The following DET1 variants were observed in gnomAD, a reference collection of about 807,000 sequenced individuals.
DET1 encodes the protein DET1 homolog.
In DET1, 22 loss-of-function variants were observed where a neutral mutation model predicts 43.7. The ratio of observed to expected loss-of-function variants is 0.50; its 90% CI spans 0.36 to 0.72. DET1 has a LOEUF of 0.72. Among genes scored for constraint, DET1 ranks in the 30% least tolerant of loss-of-function variants. DET1 has a pLI of 0.00. For missense variants in DET1, 713 were observed against 713.3 expected (o/e 1.00, Z 0.00); for synonymous variants, 315 against 266.2 (o/e 1.18, Z -1.79).
chr15:88,523,437 C>G (rs915967987), intron 3 of DET1, among the ~76,000 whole-genome samples: 1 of 152,040 alleles, frequency 6.6e-6, no homozygotes, highest in Non-Finnish European at 1.5e-5. Context: ...CTCCCCTTTC[C>G]ACGGTCTCCC....
chr15:88,541,716 T>C (rs1001597621), intron 1 of DET1, among the ~76,000 whole-genome samples: 1 of 152,222 alleles, frequency 6.6e-6, no homozygotes, highest in Non-Finnish European at 1.5e-5. Flanking sequence ...CAATCAATGG[T>C]TAAGTTTGAT....
chr15:88,527,488 A>T, intron 3 of DET1, 111 bp downstream of exon 3: 1 of 998,576 alleles, frequency 1.0e-6, no homozygotes, highest in Non-Finnish European at 1.4e-6. Context: ...TAAGCAGAAT[A>T]ACCAAAGCTA....
intron 1 of DET1, among the ~76,000 whole-genome samples, chr15:88,536,137 GA>G (rs1457951714): frequency 3.3e-5 from 5 of 152,132 alleles, no homozygotes; most frequent in African/African-American, 9.7e-5. Context: ...GAAAGAAGTG[GA>G]ACAACATTAT....
At position 88,531,570 on chromosome 15, in the gene DET1, C is replaced by T; in HGVS notation, c.136G>A (p.Val46Ile). Residue 46 changes from valine (V) to isoleucine (I), a missense_variant, in exon 2 of 5, where the codon GTC becomes ATC. Coordinates refer to ENST00000268148, the MANE Select transcript of DET1 (RefSeq NM_001144074.3). The surrounding 1 kb of genome is among the most constrained non-coding windows in gnomAD (Gnocchi z 6.2). ...TTGACAACTGTGAAGTTGGGGAAGA[C>T]ATTCTGATGGAACACTCGGACTTGG... ...WHQVRVFHQN[V>I]FPNFTVVNVE... The T allele has an allele frequency of 6.2e-7, 1 of 1,614,010 alleles. No homozygotes were observed. The highest frequency in any genetic ancestry group is 8.5e-7 in the Non-Finnish European group (1 of 1,179,888).
chr15:88,512,402 C>T (rs192063571), downstream of DET1: 23 of 985,574 alleles, frequency 2.3e-5, no homozygotes, highest in Non-Finnish European at 2.8e-5. Context: ...TCATCTCTTT[C>T]ACAGTCCTTC....
rs2056103788 is a variant in DET1, at chr15:88,503,019, T to C, written c.*2178+856A>G. 3 of 152,280 alleles carry C rather than the reference T, an allele frequency of 2.0e-5. No homozygotes were observed. In the South Asian group the frequency reaches 6.2e-4, roughly 31 times the overall value. The allele number at this position is 152,280 out of a possible 1,614,324, so 9.4% of individuals were successfully genotyped here. On this transcript the variant is annotated intron_variant and NMD_transcript_variant, in intron 8 of 8. Coordinates refer to the DET1 transcript ENST00000557842. ...AGGGTCACACCTGTAATCCCAGCACTTTGGGAGGCCAAGGCAGGTGGATCA... is the reference window on the plus strand; with the variant it reads ...AGGGTCACACCTGTAATCCCAGCACCTTGGGAGGCCAAGGCAGGTGGATCA...
Position 88,531,846 on chromosome 15 carries a change from A to G in DET1, c.-10-131T>C. ...AGCTCCCAAGATGACAGTGACTGGC[A>G]TTACTACTTCCCAGATTATACTGAG... is the stretch of plus-strand genomic sequence containing the variant. On this transcript the variant is annotated intron_variant, in intron 1 of 4. Transcript: ENST00000268148. The surrounding 1 kb of genome is among the most constrained non-coding windows in gnomAD (Gnocchi z 6.2). The G allele has an allele frequency of 1.2e-6, 1 of 847,102 alleles. No individual in the cohort carries two copies. The highest frequency in any genetic ancestry group is 1.8e-6 in the Non-Finnish European group (1 of 563,902). The allele number at this position is 847,102 out of a possible 1,614,324, so 52.5% of individuals were successfully genotyped here.
In DET1 at chr15:88,516,396, T is replaced by C. The variant is rs1158702358; in HGVS notation, c.1463+386A>G. 6.6e-6 allele frequency among the ~76,000 whole-genome samples: 1 copy of C among 152,250 alleles called. No homozygotes were observed. On this transcript the variant is annotated intron_variant, in intron 4 of 4. Coordinates refer to ENST00000268148, the MANE Select transcript of DET1 (RefSeq NM_001144074.3). The surrounding 1 kb of genome is among the most constrained non-coding windows in gnomAD (Gnocchi z 4.4). ...TGTCAGCAGGTCCCCAAATTGTCTC[T>C]GCTATTTTTTCTATGAGGTAACATG...
chr15:88,524,413 G>C (rs2056601753), intron 3 of DET1, among the ~76,000 whole-genome samples: 1 of 152,138 alleles, frequency 6.6e-6, no homozygotes, highest in African/African-American at 2.4e-5. Flanking sequence ...GCCCCGTCTG[G>C]GAAGTGAGGA....
intron 1 of DET1, among the ~76,000 whole-genome samples, chr15:88,538,043 TATTTTC>T (rs2056997896): frequency 6.6e-6 from 1 of 152,220 alleles, no homozygotes; most frequent in South Asian, 2.1e-4. Context: ...GGTCATGCGG[TATTTTC>T]AGAGCCTAGC....
downstream of DET1, among the ~76,000 whole-genome samples, chr15:88,507,987 G>A (rs928367774): frequency 3.3e-5 from 5 of 152,168 alleles, no homozygotes; most frequent in African/African-American, 1.2e-4. Flanking sequence ...TCAGATTAGC[G>A]GCGGCATTAG....
intron 3 of DET1, among the ~76,000 whole-genome samples, chr15:88,524,161 G>C (rs1318188914): frequency 1.3e-5 from 2 of 150,412 alleles, no homozygotes; most frequent in African/African-American, 2.5e-5. Flanking sequence ...GCCTCTGTCC[G>C]GCCGCGACCC....
chr15:88,511,769 A>G (rs1427249854), downstream of DET1, among the ~76,000 whole-genome samples: 1 of 152,178 alleles, frequency 6.6e-6, no homozygotes. Flanking sequence ...AATTAGATGA[A>G]CTGTTTTTGG....
chr15:88,546,072 C>T (rs1309180045), intron 1 of DET1, among the ~76,000 whole-genome samples: 1 of 151,898 alleles, frequency 6.6e-6, no homozygotes, highest in East Asian at 1.9e-4. Flanking sequence ...TAACTAGACC[C>T]CCCCTCCCCT....
chr15:88,534,270 T>C (rs1032595787), intron 1 of DET1, among the ~76,000 whole-genome samples: 15 of 152,172 alleles, frequency 9.9e-5, no homozygotes, highest in Non-Finnish European at 2.1e-4. Flanking sequence ...TATAAAGCTG[T>C]TGCCAGATAA....
At chr15:88,537,629 C>G (rs1288384015) in intron 1 of DET1, among the ~76,000 whole-genome samples, 2 of 152,148 alleles carry the variant, frequency 1.3e-5, no homozygotes. Context: ...TGTTTATGGC[C>G]CTCATTAGAT....
intron 1 of DET1, among the ~76,000 whole-genome samples, chr15:88,534,059 A>C (rs1314865949): frequency 2.0e-5 from 3 of 152,116 alleles, no homozygotes. Context: ...GAATATACTT[A>C]ATACTACTGA....
At chr15:88,507,926 C>T (rs1008092229), downstream of DET1, among the ~76,000 whole-genome samples, 1 of 152,150 alleles carries the variant, frequency 6.6e-6, no homozygotes, top group Non-Finnish European at 1.5e-5. Flanking sequence ...GTGAGCGAAG[C>T]TTCATCTCTA....
chr15:88,538,062 T>A (rs1305126665), intron 1 of DET1, among the ~76,000 whole-genome samples: 1 of 152,238 alleles, frequency 6.6e-6, no homozygotes, highest in Non-Finnish European at 1.5e-5. Context: ...AGCCTAGCAC[T>A]GGGACTGGCA....
Sources: gnomAD v4.1 joint callset for allele counts (sites outside exome capture counted in the v4.1 genomes callset) on GRCh38, gnomAD v4.1.1 for gene constraint, Gnocchi (gnomAD v3.1) non-coding constraint, MANE v1.5 for transcripts, NCBI Gene and HGNC (gene_info 2026-07-23, HGNC 2026-07-21) for gene names.